The following EDN1 variants were observed in gnomAD, a reference collection of about 807,000 sequenced individuals.
EDN1 encodes the protein endothelin-1.
Under a neutral mutation model 21.7 loss-of-function variants are expected in EDN1, and 11 were observed. That is an observed-to-expected ratio of 0.51 (90% confidence interval 0.32 to 0.84). EDN1 has a LOEUF of 0.84. EDN1 is among the 40% of genes least tolerant of loss of function. The pLI is 0.03. For synonymous variants in EDN1, 85 were observed against 90.6 expected, an observed-to-expected ratio of 0.94 and a Z score of 0.35; for missense variants, 244 against 262.3, an observed-to-expected ratio of 0.93 and a Z score of 0.48.
the EDN1 span, among the ~76,000 whole-genome samples, chr6:12,277,286 A>T: frequency 2.6e-4 from 39 of 152,218 alleles, no homozygotes; most frequent in Non-Finnish European, 5.0e-4. Flanking sequence ...AGCGTCAAGG[A>T]TGTCTTGAGA....
the EDN1 span, among the ~76,000 whole-genome samples, chr6:12,280,883 A>T: frequency 4.6e-5 from 7 of 152,266 alleles, no homozygotes; most frequent in South Asian, 1.4e-3. Context: ...ACAGAGCAAG[A>T]CTCCATCTCA....
chr6:12,282,731 C>A, the EDN1 span, among the ~76,000 whole-genome samples: 1 of 152,146 alleles, frequency 6.6e-6, no homozygotes, highest in African/African-American at 2.4e-5. Context: ...TCCCATTTTT[C>A]TTTTTCCCAC....
upstream of EDN1, among the ~76,000 whole-genome samples, chr6:12,289,912 T>G (rs1046344342): frequency 3.3e-5 from 5 of 152,122 alleles, no homozygotes; most frequent in African/African-American, 1.2e-4. Flanking sequence ...GAGACTAGAA[T>G]CGGAGAGACA....
chr6:12,274,131 T>G, the EDN1 span, among the ~76,000 whole-genome samples: 1 of 152,222 alleles, frequency 6.6e-6, no homozygotes, highest in African/African-American at 2.4e-5. Flanking sequence ...AAATTGTCCT[T>G]TGCCCAGTGA....
At chr6:12,277,411 A>C in the EDN1 span, among the ~76,000 whole-genome samples, 1 of 152,230 alleles carries the variant, frequency 6.6e-6, no homozygotes, top group Admixed American at 6.5e-5. Context: ...AGCTCATTTC[A>C]TACTTAACAA....
At chr6:12,277,821 C>G in the EDN1 span, among the ~76,000 whole-genome samples, 86 of 152,314 alleles carry the variant, frequency 5.6e-4, no homozygotes, top group African/African-American at 1.9e-3. Context: ...GGAAATGGAA[C>G]CTGGGGAATG....
the EDN1 span, among the ~76,000 whole-genome samples, chr6:12,236,858 G>A: frequency 0.012 from 1,755 of 151,216 alleles, 19 homozygotes; most frequent in South Asian, 0.039. Flanking sequence ...TAGGTTCTAG[G>A]GTACATGTGC....
At chr6:12,263,713 C>T in the EDN1 span, among the ~76,000 whole-genome samples, 1 of 152,182 alleles carries the variant, frequency 6.6e-6, no homozygotes, top group Non-Finnish European at 1.5e-5. Flanking sequence ...GGACATCTTT[C>T]ATGAAAATTG....
At chr6:12,264,291 A>C in the EDN1 span, among the ~76,000 whole-genome samples, 1 of 152,292 alleles carries the variant, frequency 6.6e-6, no homozygotes, top group African/African-American at 2.4e-5. Flanking sequence ...AGCTACAATA[A>C]CTGTATAGAC....
the EDN1 span, among the ~76,000 whole-genome samples, chr6:12,274,156 C>T: frequency 6.6e-6 from 1 of 152,188 alleles, no homozygotes; most frequent in Admixed American, 6.5e-5. Context: ...TAAATATGTA[C>T]ACTACCCACC....
chr6:12,249,620 T>G, the EDN1 span, among the ~76,000 whole-genome samples: 4 of 151,630 alleles, frequency 2.6e-5, no homozygotes, highest in African/African-American at 9.7e-5. Context: ...AAATAGCTGC[T>G]CACCTGGGGC....
the EDN1 span, among the ~76,000 whole-genome samples, chr6:12,237,921 C>G: frequency 3.3e-5 from 5 of 151,978 alleles, no homozygotes; most frequent in African/African-American, 1.2e-4. Flanking sequence ...TGTAATCCCA[C>G]CACTTTGGGA....
At chr6:12,289,747 C>G (rs532937333), upstream of EDN1, among the ~76,000 whole-genome samples, 52 of 152,290 alleles carry the variant, frequency 3.4e-4, 1 homozygote, top group African/African-American at 1.2e-3. Context: ...CCTTTCTTGC[C>G]AATCCCTCAC....
chr6:12,296,234 TC>T lies in EDN1; in HGVS notation c.*172del, dbSNP rs1762822027. ...AACATTCCAAGAAAGGTTAAGGAGTTCCCCCAACCATCTTCACTGGCTTCCA... is the reference window on the plus strand; with the variant it reads ...AACATTCCAAGAAAGGTTAAGGAGTTCCCCAACCATCTTCACTGGCTTCCA... On this transcript the variant is annotated 3_prime_UTR_variant, in exon 5 of 5. Coordinates refer to ENST00000379375, the MANE Select transcript of EDN1 (RefSeq NM_001955.5). 4.6e-6 allele frequency: 3 copies of T among 652,328 alleles called. No individual in the cohort carries two copies. The highest frequency in any genetic ancestry group is 5.8e-5 in the East Asian group (2 of 34,536). 40.4% of individuals were successfully genotyped at this position (652,328 alleles called of 1,614,324 possible). A position where few individuals can be genotyped will look rare whatever the true frequency, so the allele number is the denominator to read the frequency against.
chr6:12,242,485 C>T, the EDN1 span, among the ~76,000 whole-genome samples: 1 of 152,160 alleles, frequency 6.6e-6, no homozygotes, highest in African/African-American at 2.4e-5. Context: ...CTCTGTGCCT[C>T]AGTCATTTCC....
At chr6:12,288,052 C>T (rs555823502), upstream of EDN1, among the ~76,000 whole-genome samples, 64 of 152,126 alleles carry the variant, frequency 4.2e-4, 1 homozygote, top group Admixed American at 2.0e-3. Flanking sequence ...GTTGCTGGAA[C>T]CTGCAGGGGC....
upstream of EDN1, among the ~76,000 whole-genome samples, chr6:12,287,706 TCTCTCTCACACA>T (rs1762578633): frequency 3.9e-5 from 3 of 76,054 alleles, no homozygotes; most frequent in Non-Finnish European, 5.9e-5. Flanking sequence ...TCTCTCTCTC[TCTCTCTCACACA>T]CACACACACA....
At position 12,296,016 on chromosome 6, in the gene EDN1, A is replaced by C. The variant is rs2113799192; in HGVS notation, c.588A>C (p.Lys196Asn). 6.2e-7 allele frequency: 1 copy of C among 1,614,092 alleles called. No homozygotes were observed. The highest frequency in any genetic ancestry group is 1.3e-5 in the African/African-American group (1 of 75,006). ...CATCTTTTCATGATCCCAAGCTGAA[A>C]GGCAAGCCCTCCAGAGAGCGTTATG... ...VKSSFHDPKL[K>N]GKPSRERYVT... is the part of the protein sequence containing the mutation. Residue 196 changes from lysine (K) to asparagine (N), a missense_variant, in exon 5 of 5, where the codon AAA becomes AAC. Transcript: ENST00000379375.
chr6:12,287,732 A>T (rs1435286116), upstream of EDN1, among the ~76,000 whole-genome samples: 12 of 149,262 alleles, frequency 8.0e-5, no homozygotes, highest in South Asian at 4.3e-4. Flanking sequence ...ACACACACAC[A>T]CACACACACA....
Sources: gnomAD v4.1 joint callset for allele counts (sites outside exome capture counted in the v4.1 genomes callset) on GRCh38, gnomAD v4.1.1 for gene constraint, MANE v1.5 for transcripts, NCBI Gene and HGNC (gene_info 2026-07-23, HGNC 2026-07-21) for gene names.